The following MAOA variants were observed in gnomAD, a reference collection of about 807,000 sequenced individuals.
MAOA encodes the protein amine oxidase [flavin-containing] A.
Under a neutral mutation model 42.0 loss-of-function variants are expected in MAOA, and 6 were observed. That is an observed-to-expected ratio of 0.14 (90% CI 0.08 to 0.28). The LOEUF is 0.28. MAOA is among the 10% of genes least tolerant of loss of function. The pLI is 1.00. For synonymous variants in MAOA, 140 were observed against 154.0 expected (o/e 0.91, Z 0.67); for missense variants, 262 against 422.3 (o/e 0.62, Z 3.33).
At chrX:43,732,584 C>T (rs1483456673) in intron 8 of MAOA, 115 bp from the exon 9 acceptor site, 1 of 544,314 alleles carries the variant, frequency 1.8e-6, no homozygotes, top group Non-Finnish European at 3.2e-6. Flanking sequence ...GGGGCCAAGA[C>T]CAAGAGTTTA....
chrX:43,692,035 A>G (rs1314284248), intron 2 of MAOA, among the ~76,000 whole-genome samples: 17 of 89,997 alleles, frequency 1.9e-4, no homozygotes, highest in African/African-American at 7.7e-4. Context: ...ACACACACAC[A>G]CACGCACGCA....
At chrX:43,672,018 A>G (rs747638816) in intron 1 of MAOA, among the ~76,000 whole-genome samples, 4 of 111,365 alleles carry the variant, frequency 3.6e-5, no homozygotes, top group Admixed American at 2.9e-4. Flanking sequence ...CATTGAATCT[A>G]TAAATTACCT....
At chrX:43,721,064 G>A (rs1398733197) in intron 5 of MAOA, among the ~76,000 whole-genome samples, 3 of 111,010 alleles carry the variant, frequency 2.7e-5, no homozygotes, top group Non-Finnish European at 5.7e-5. Context: ...AAGAGTCAAT[G>A]GTATGTGGCA....
intron 5 of MAOA, among the ~76,000 whole-genome samples, chrX:43,727,275 GC>G (rs2033845689): frequency 8.9e-6 from 1 of 112,221 alleles, no homozygotes; most frequent in Admixed American, 9.4e-5. Context: ...ACCCCCAGCT[GC>G]CCCTTCCCCC....
intron 5 of MAOA, among the ~76,000 whole-genome samples, chrX:43,716,027 G>A (rs759694155): frequency 9.1e-6 from 1 of 110,098 alleles, no homozygotes; most frequent in Non-Finnish European, 1.9e-5. Flanking sequence ...ACCCACAGGG[G>A]CAAGGGGGTG....
upstream of MAOA, chrX:43,656,286 C>A: frequency 9.2e-7 from 1 of 1,090,604 alleles, no homozygotes; most frequent in Non-Finnish European, 1.3e-6. Context: ...GGGTCCTTCC[C>A]ACCCTTTGCC....
chrX:43,693,804 CG>C (rs2033556262), intron 3 of MAOA, among the ~76,000 whole-genome samples: 1 of 109,995 alleles, frequency 9.1e-6, no homozygotes, highest in African/African-American at 3.3e-5. Context: ...CACACACACA[CG>C]CACACTCCCC....
At chrX:43,706,042 A>G (rs772032631) in intron 3 of MAOA, among the ~76,000 whole-genome samples, 1 of 112,337 alleles carries the variant, frequency 8.9e-6, no homozygotes, top group African/African-American at 3.2e-5. Flanking sequence ...CACTTTGGAA[A>G]ATAGTTTGGC....
intron 2 of MAOA, among the ~76,000 whole-genome samples, chrX:43,692,042 C>G (rs201583370): frequency 9.3e-6 from 1 of 107,862 alleles, no homozygotes; most frequent in Non-Finnish European, 1.9e-5. Flanking sequence ...CACACACGCA[C>G]GCACACATCT....
chrX:43,680,602 A>G (rs1382474381), intron 1 of MAOA, among the ~76,000 whole-genome samples: 1 of 110,197 alleles, frequency 9.1e-6, no homozygotes, highest in African/African-American at 3.3e-5. Context: ...ACTACTTCAT[A>G]GGTGATGGTG....
chrX:43,674,989 G>A (rs1368295745), intron 1 of MAOA, among the ~76,000 whole-genome samples: 4 of 111,518 alleles, frequency 3.6e-5, no homozygotes, highest in Non-Finnish European at 5.7e-5. Flanking sequence ...TCTGAATGTT[G>A]GCCTGCCTTG....
rs774804748 is a variant in MAOA at position 43,728,164 on chromosome X, T to G, written c.504-9T>G. 13 of 1,209,826 alleles carry G rather than the reference T, an allele frequency of 1.1e-5. No individual in the cohort carries two copies. ...TGACACCTGACTTCCACTTTTGTTC[T>G]ATGAACAGGACTGCTAGGCGGTTTG... is the stretch of plus-strand genomic sequence containing the variant. On this transcript the variant is annotated splice_polypyrimidine_tract_variant and intron_variant, in intron 5 of 14. Coordinates refer to ENST00000338702, the MANE Select transcript of MAOA (RefSeq NM_000240.4).
At chrX:43,664,151 T>C (rs2033257947) in intron 1 of MAOA, among the ~76,000 whole-genome samples, 1 of 111,867 alleles carries the variant, frequency 8.9e-6, no homozygotes, top group African/African-American at 3.2e-5. Context: ...AATTTTTAAA[T>C]AGACCATGAT....
chrX:43,661,095 G>A (rs190429551), intron 1 of MAOA, among the ~76,000 whole-genome samples: 12 of 111,701 alleles, frequency 1.1e-4, no homozygotes, highest in African/African-American at 1.9e-4. Flanking sequence ...AGCTTTGAAC[G>A]CATTTAAGGA....
At chrX:43,697,344 C>T (rs1195349922) in intron 3 of MAOA, among the ~76,000 whole-genome samples, 1 of 111,445 alleles carries the variant, frequency 9.0e-6, no homozygotes, top group East Asian at 2.8e-4. Flanking sequence ...ATATGCAGTG[C>T]TGGTGACCAT....
At chrX:43,720,023 C>T (rs1168036865) in intron 5 of MAOA, among the ~76,000 whole-genome samples, 1 of 110,114 alleles carries the variant, frequency 9.1e-6, no homozygotes, top group Non-Finnish European at 1.9e-5. Context: ...GGTATAGTAT[C>T]TTTCAGGAAC....
upstream of MAOA, chrX:43,655,913 T>C (rs1340050181): frequency 5.6e-6 from 1 of 179,003 alleles, no homozygotes; most frequent in African/African-American, 3.0e-5. Flanking sequence ...TTCCCCAGTG[T>C]CGCCACAAGC....
chrX:43,709,625 G>A (rs749033760), intron 3 of MAOA, among the ~76,000 whole-genome samples: 1 of 111,258 alleles, frequency 9.0e-6, no homozygotes, highest in East Asian at 2.8e-4. Context: ...TACATTTTAT[G>A]GAGGAAAATG....
At chrX:43,697,446 T>A (rs1029312595) in intron 3 of MAOA, among the ~76,000 whole-genome samples, 7 of 112,227 alleles carry the variant, frequency 6.2e-5, no homozygotes, top group Non-Finnish European at 9.4e-5. Context: ...GTTTGATGGA[T>A]GCAGTAACTG....
Sources: gnomAD v4.1 joint callset for allele counts (sites outside exome capture counted in the v4.1 genomes callset) on GRCh38, gnomAD v4.1.1 for gene constraint, MANE v1.5 for transcripts, NCBI Gene and HGNC (gene_info 2026-07-23, HGNC 2026-07-21) for gene names.